Variants in BPGM observed in about 807,000 individuals in gnomAD.
The protein encoded by BPGM is bisphosphoglycerate mutase.
Under a neutral mutation model 21.6 loss-of-function variants are expected in BPGM, and 15 were observed. That is an observed-to-expected ratio of 0.70 (90% CI 0.47 to 1.07). The LOEUF is 1.07. Ranked by LOEUF, BPGM falls within the 50% of genes least tolerant of loss-of-function variation. The pLI is 0.00. For missense variants in BPGM, 273 were observed against 319.0 expected, an observed-to-expected ratio of 0.86 and a Z score of 1.10; for synonymous variants, 113 against 116.2, an observed-to-expected ratio of 0.97 and a Z score of 0.18.
At chr7:134,653,098 T>C (rs190634401) in intron 1 of BPGM, among the ~76,000 whole-genome samples, 82 of 152,348 alleles carry the variant, frequency 5.4e-4, no homozygotes, top group Admixed American at 3.5e-3. Context: ...ATATTTCATG[T>C]GCATGAAAAT....
At chr7:134,658,897 T>TTTTATTTTTATTTTTTA (rs1471729326) in intron 1 of BPGM, among the ~76,000 whole-genome samples, 3 of 151,664 alleles carry the variant, frequency 2.0e-5, no homozygotes, top group African/African-American at 4.8e-5. Flanking sequence ...TGTGTATTTT[T>TTTTATTTTTATTTTTTA]TTTTTAGTAA....
intron 2 of BPGM, among the ~76,000 whole-genome samples, chr7:134,670,834 T>G (rs1257560602): frequency 1.3e-5 from 2 of 152,154 alleles, no homozygotes; most frequent in Non-Finnish European, 2.9e-5. Context: ...CCAAAGAGTA[T>G]ACACTACCGA....
intron 2 of BPGM, among the ~76,000 whole-genome samples, chr7:134,674,634 A>C (rs1431078435): frequency 1.3e-5 from 2 of 152,204 alleles, no homozygotes; most frequent in Non-Finnish European, 2.9e-5. Flanking sequence ...TATTGTATGG[A>C]TATACCACAT....
At chr7:134,677,207 C>A (rs992661649) in intron 2 of BPGM, among the ~76,000 whole-genome samples, 1 of 152,150 alleles carries the variant, frequency 6.6e-6, no homozygotes, top group Non-Finnish European at 1.5e-5. Flanking sequence ...CCCCTTTTAT[C>A]CCACAACCCT....
chr7:134,656,147 C>T (rs1318393074), intron 1 of BPGM, among the ~76,000 whole-genome samples: 1 of 152,142 alleles, frequency 6.6e-6, no homozygotes, highest in Non-Finnish European at 1.5e-5. Context: ...TGGAAGTGGG[C>T]CCAAGCAATC....
intron 1 of BPGM, among the ~76,000 whole-genome samples, chr7:134,660,986 T>C (rs1795721289): frequency 6.6e-6 from 1 of 152,208 alleles, no homozygotes; most frequent in Admixed American, 6.5e-5. Flanking sequence ...ATAATAAGAA[T>C]GTGAGACTGG....
chr7:134,648,447 G>T (rs1241629451), intron 1 of BPGM, among the ~76,000 whole-genome samples: 1 of 151,456 alleles, frequency 6.6e-6, no homozygotes, highest in Non-Finnish European at 1.5e-5. Context: ...CTTTTTTTTT[G>T]AACTGCCTCC....
At position 134,652,018 on chromosome 7, in the gene BPGM, A is replaced by C. The variant is rs1208191349; in HGVS notation, c.-62+5081A>C. On this transcript the variant is annotated intron_variant, in intron 1 of 2. Transcript: ENST00000344924. ...GATGAATCCTATAGTTTTCCCCTAT[A>C]GTTCAATCTTGAACCTATTCCTAAA... Among the ~76,000 whole-genome samples the C allele has an allele frequency of 2.0e-5, 3 of 152,226 alleles. No individual in the cohort carries two copies. In the South Asian group the frequency reaches 6.2e-4, roughly 31 times the overall value.
chr7:134,665,813 G>C (rs1457186893), intron 2 of BPGM, among the ~76,000 whole-genome samples: 3 of 151,728 alleles, frequency 2.0e-5, no homozygotes, highest in Non-Finnish European at 4.4e-5. Flanking sequence ...ATTTTTTTAA[G>C]TTGGAAGTAT....
chr7:134,650,138 G>C (rs1310456789), intron 1 of BPGM, among the ~76,000 whole-genome samples: 1 of 152,176 alleles, frequency 6.6e-6, no homozygotes, highest in African/African-American at 2.4e-5. Flanking sequence ...TATCTAGGTT[G>C]TTTTTACTTT....
intron 2 of BPGM, among the ~76,000 whole-genome samples, chr7:134,672,238 A>C (rs991311692): frequency 4.6e-5 from 7 of 152,112 alleles, no homozygotes; most frequent in African/African-American, 1.7e-4. Flanking sequence ...CGATACTTAA[A>C]GGCAGACTTT....
At position 134,679,027 on chromosome 7, in the gene BPGM, A is replaced by T. The variant is rs1453059441; in HGVS notation, c.776A>T (p.Lys259Ile). 6.2e-7 allele frequency: 1 copy of T among 1,614,050 alleles called. No homozygotes were observed. Among genetic ancestry groups the T allele is most frequent in the Non-Finnish European group, 8.5e-7 (1 of 1,179,986 alleles). ...EDQGKVKQAKK is the reference protein window; with the variant it reads ...EDQGKVKQAKI Reference sequence around the variant, plus strand: ...CAAGGAAAAGTGAAACAAGCTAAAAAATAGTCTTTCTCAACTGTTGGCTAA... The same window carrying T: ...CAAGGAAAAGTGAAACAAGCTAAAATATAGTCTTTCTCAACTGTTGGCTAA... The change falls in exon 3 of 3, where the codon AAA (lysine) becomes ATA (isoleucine). Residue 259 changes from lysine to isoleucine, a missense_variant. Transcript: ENST00000344924.
intron 1 of BPGM, among the ~76,000 whole-genome samples, chr7:134,659,135 G>T (rs1795688764): frequency 6.6e-6 from 1 of 152,022 alleles, no homozygotes; most frequent in South Asian, 2.1e-4. Flanking sequence ...GCTTATGGAG[G>T]TTTCTCACTT....
chr7:134,665,900 CAA>C (rs1441285546), intron 2 of BPGM, among the ~76,000 whole-genome samples: 1 of 149,810 alleles, frequency 6.7e-6, no homozygotes, highest in Non-Finnish European at 1.5e-5. Context: ...CTTTTTTAGA[CAA>C]AGTCTCGCTG....
chr7:134,658,759 A>T (rs1431584950), intron 1 of BPGM: 1 of 152,220 alleles, frequency 6.6e-6, no homozygotes, highest in Non-Finnish European at 1.5e-5. Context: ...AGATAGACAT[A>T]CTAGTTTAGT....
intron 1 of BPGM, among the ~76,000 whole-genome samples, chr7:134,655,789 G>A (rs10279417): frequency 0.58 from 88,788 of 152,052 alleles, 26,919 homozygotes; most frequent in East Asian, 0.89. Context: ...TCTGACTTTG[G>A]TTCAGTCAGT....
At position 134,667,677 on chromosome 7, in the gene BPGM, T is replaced by C. The variant is rs367807299; in HGVS notation, c.601+5569T>C. Among the ~76,000 whole-genome samples the C allele has an allele frequency of 1.4e-3, 216 of 152,344 alleles. 5 individuals are homozygous for C. In the South Asian group the frequency reaches 0.042, roughly 30 times the overall value. ...AATTTCTTTGCATTTATTATAAAAGTAAAAACACTTGTGGCTGCAGATTCA... is the reference window on the plus strand; with the variant it reads ...AATTTCTTTGCATTTATTATAAAAGCAAAAACACTTGTGGCTGCAGATTCA... On this transcript the variant is annotated intron_variant, in intron 2 of 2. Coordinates refer to ENST00000344924, the MANE Select transcript of BPGM (RefSeq NM_001724.5).
At chr7:134,666,111 C>G (rs529235266) in intron 2 of BPGM, among the ~76,000 whole-genome samples, 3 of 152,194 alleles carry the variant, frequency 2.0e-5, no homozygotes, top group African/African-American at 7.2e-5. Flanking sequence ...AACTCCTGGC[C>G]TCAAGCGATC....
At position 134,650,810 on chromosome 7, in the gene BPGM, C is replaced by T. The variant is rs557914083; in HGVS notation, c.-62+3873C>T. ...CGTGGTGACGGTCACCTGTGGTCCCCGCTACTCAGGAGGCTGAAGCAGGAC... is the reference window on the plus strand; with the variant it reads ...CGTGGTGACGGTCACCTGTGGTCCCTGCTACTCAGGAGGCTGAAGCAGGAC... On this transcript the variant is annotated intron_variant, in intron 1 of 2. Transcript: ENST00000344924. Among the ~76,000 whole-genome samples, 17 of 152,210 alleles carry T rather than the reference C, an allele frequency of 1.1e-4. No individual in the cohort carries two copies. In the South Asian group the frequency reaches 2.7e-3, roughly 24 times the overall value.
Sources: allele counts gnomAD v4.1 joint callset (sites outside exome capture counted in the v4.1 genomes callset), GRCh38; gene constraint gnomAD v4.1.1; transcripts MANE v1.5; gene names NCBI Gene and HGNC (gene_info 2026-07-23, HGNC 2026-07-21).